The following SCAMP2 variants were observed in gnomAD, a reference collection of about 807,000 sequenced individuals.
The protein encoded by SCAMP2 is secretory carrier-associated membrane protein 2.
A neutral mutation model predicts 44.1 loss-of-function variants in SCAMP2; 25 were observed. The observed-to-expected ratio is 0.57, with a 90% CI of 0.41 to 0.79. The LOEUF (loss-of-function observed/expected upper bound fraction) is 0.79, where lower values mean the gene tolerates loss of function less well. Ranked by LOEUF, SCAMP2 falls within the 30% of genes least tolerant of loss-of-function variation. The pLI is 0.00. For synonymous variants in SCAMP2, 156 were observed against 166.0 expected, an observed-to-expected ratio of 0.94 and a Z score of 0.46; for missense variants, 355 against 411.0, an observed-to-expected ratio of 0.86 and a Z score of 1.18.
chr15:74,867,990 A>T (rs2064553801), intron 1 of SCAMP2, among the ~76,000 whole-genome samples: 1 of 151,896 alleles, frequency 6.6e-6, no homozygotes. Context: ...CAGTACAATG[A>T]CTCCCTTTAG....
At chr15:74,869,110 C>A (rs2064560151) in intron 1 of SCAMP2, among the ~76,000 whole-genome samples, 6 of 152,084 alleles carry the variant, frequency 3.9e-5, no homozygotes, top group Admixed American at 3.9e-4. Flanking sequence ...GCCAAGATCG[C>A]ACCATTGCAC....
intron 3 of SCAMP2, chr15:74,853,396 C>T: frequency 2.2e-6 from 1 of 456,422 alleles, no homozygotes; most frequent in Middle Eastern, 3.3e-4. Context: ...GTAGCTGTCT[C>T]TGAGAATACT....
chr15:74,852,368 T>C (rs2064441293), intron 3 of SCAMP2, 182 bp from the exon 4 acceptor site: 2 of 417,316 alleles, frequency 4.8e-6, no homozygotes, highest in African/African-American at 4.1e-5. Context: ...GGCCAACCTG[T>C]CTTCCACTGC....
chr15:74,848,069 CTTT>C (rs77348114), intron 7 of SCAMP2, among the ~76,000 whole-genome samples: 19 of 140,104 alleles, frequency 1.4e-4, no homozygotes, highest in Admixed American at 2.9e-4. Flanking sequence ...AAGATAGTGT[CTTT>C]TTTTTTTTTT....
chr15:74,844,039 TA>T lies in SCAMP2; in HGVS notation c.*1043del, dbSNP rs2064361085. ...GTGTGAACCAGACTCCACTGGGTAT[TA>T]GGGGGCCCTCCGAGAGATGGCTTAT... On this transcript the variant is annotated 3_prime_UTR_variant, in exon 9 of 9. Coordinates refer to ENST00000268099, the MANE Select transcript of SCAMP2 (RefSeq NM_005697.5). The T allele has an allele frequency of 6.6e-6, 1 of 152,080 alleles. No homozygotes were observed. The highest frequency in any genetic ancestry group is 6.5e-5 in the Admixed American group (1 of 15,270). The allele number at this position is 152,080 out of a possible 1,614,324, so 9.4% of individuals were successfully genotyped here.
chr15:74,853,372 G>C (rs753332429), intron 3 of SCAMP2: 4 of 456,052 alleles, frequency 8.8e-6, no homozygotes, highest in African/African-American at 8.0e-5. Context: ...GCCTACCTTC[G>C]GAAGCTTTCG....
chr15:74,848,726 C>A, intron 6 of SCAMP2, 25 bp from the exon 7 acceptor site: 2 of 1,536,766 alleles, frequency 1.3e-6, no homozygotes, highest in South Asian at 2.3e-5. Context: ...GGAAATAAGT[C>A]ACAAGAGGGC....
At chr15:74,862,838 AC>A (rs1163907221) in intron 1 of SCAMP2, among the ~76,000 whole-genome samples, 29 of 136,160 alleles carry the variant, frequency 2.1e-4, no homozygotes, top group African/African-American at 7.6e-4. Flanking sequence ...AAAAAAAAAA[AC>A]AAAAAACAAA....
chr15:74,859,079 A>G (rs1225303625), intron 1 of SCAMP2, among the ~76,000 whole-genome samples: 1 of 151,880 alleles, frequency 6.6e-6, no homozygotes, highest in Non-Finnish European at 1.5e-5. Flanking sequence ...AAGTGGTGGG[A>G]TTCAGGCGTG....
chr15:74,853,509 A>G (rs1396540005), intron 3 of SCAMP2: 1 of 455,070 alleles, frequency 2.2e-6, no homozygotes, highest in East Asian at 7.0e-5. Flanking sequence ...GCAACACACA[A>G]CTCCACCATG....
intron 1 of SCAMP2, among the ~76,000 whole-genome samples, chr15:74,868,926 C>T (rs1023455339): frequency 3.3e-5 from 5 of 152,052 alleles, no homozygotes; most frequent in Admixed American, 1.3e-4. Context: ...GAGGCTGAGG[C>T]GGGTGGATCA....
Position 74,873,248 on chromosome 15 carries a change from G to A in SCAMP2, c.8C>T (p.Ala3Val). 6.8e-7 allele frequency: 1 copy of A among 1,471,526 alleles called. No homozygotes were observed. Among genetic ancestry groups the A allele is most frequent in the South Asian group, 1.4e-5 (1 of 71,800 alleles). 91.2% of individuals were successfully genotyped at this position (1,471,526 alleles called of 1,614,324 possible). A position where few individuals can be genotyped will look rare whatever the true frequency, so the allele number is the denominator to read the frequency against. The change falls in exon 1 of 9, where the codon GCT becomes GTT. Residue 3 changes from alanine to valine, a missense_variant. By Grantham distance (64) the Ala-to-Val change is moderately conservative. Coordinates refer to ENST00000268099, the MANE Select transcript of SCAMP2 (RefSeq NM_005697.5). The stretch of plus-strand genomic sequence containing the variant: ...GTCCGCGAAGGGGTTGGTGTCGAAA[G>A]CCGACATGGTGATCGGGGGCCAGCG... MS[A>V]FDTNPFADPV...
At chr15:74,864,800 G>A (rs746336487) in intron 1 of SCAMP2, among the ~76,000 whole-genome samples, 2 of 152,108 alleles carry the variant, frequency 1.3e-5, no homozygotes, top group Non-Finnish European at 2.9e-5. Context: ...AAAGAATAGA[G>A]TTGAGGCCAG....
At chr15:74,861,593 G>A (rs528367687) in intron 1 of SCAMP2, among the ~76,000 whole-genome samples, 71 of 152,242 alleles carry the variant, frequency 4.7e-4, no homozygotes, top group African/African-American at 1.5e-3. Context: ...TGAAGATGGT[G>A]CAGCAATACA....
At chr15:74,854,751 C>T in intron 1 of SCAMP2, 102 bp from the exon 2 acceptor site, 1 of 1,025,706 alleles carries the variant, frequency 9.7e-7, no homozygotes, top group Non-Finnish European at 1.5e-6. Flanking sequence ...CAGCTGATCA[C>T]CCTCCCGGGA....
intron 1 of SCAMP2, among the ~76,000 whole-genome samples, chr15:74,861,668 GT>G (rs1457016977): frequency 3.9e-5 from 6 of 152,116 alleles, no homozygotes; most frequent in Non-Finnish European, 8.8e-5. Context: ...GGAGGCCAAG[GT>G]GGGCAGATCA....
At chr15:74,862,276 AAAAAAAAAAAAAAT>A (rs1315784485) in intron 1 of SCAMP2, among the ~76,000 whole-genome samples, 5,573 of 138,546 alleles carry the variant, frequency 0.04, 1,475 homozygotes, top group African/African-American at 0.15. Context: ...AAAAAAAAAA[AAAAAAAAAAAAAAT>A]TCCTGGCCAG....
chr15:74,848,053 C>A (rs928575874), intron 7 of SCAMP2, among the ~76,000 whole-genome samples: 1 of 150,268 alleles, frequency 6.7e-6, no homozygotes, highest in African/African-American at 2.5e-5. Context: ...AAGTGGAGAG[C>A]AAGGGAAGAT....
intron 1 of SCAMP2, among the ~76,000 whole-genome samples, chr15:74,865,899 C>T (rs918187570): frequency 7.6e-5 from 11 of 145,494 alleles, no homozygotes; most frequent in African/African-American, 1.8e-4. Flanking sequence ...TGCAGTGAGC[C>T]GTGATTGTGC....
Sources: allele counts gnomAD v4.1 joint callset (sites outside exome capture counted in the v4.1 genomes callset), GRCh38; gene constraint gnomAD v4.1.1; transcripts MANE v1.5; gene names NCBI Gene and HGNC (gene_info 2026-07-23, HGNC 2026-07-21).